The following BCL11B variants were observed in gnomAD, a reference collection of about 807,000 sequenced individuals.
The protein encoded by BCL11B is B-cell lymphoma/leukemia 11B.
A neutral mutation model predicts 49.9 loss-of-function variants in BCL11B; 8 were observed. The ratio of observed to expected loss-of-function variants is 0.16; its 90% CI spans 0.09 to 0.29. The LOEUF is 0.29. Among genes scored for constraint, BCL11B ranks in the 10% least tolerant of loss-of-function variants. The pLI, the probability that BCL11B is intolerant of heterozygous loss-of-function variation, is 1.00. For missense variants in BCL11B, 1,006 were observed against 1,351.0 expected (o/e 0.74, Z 4.00); for synonymous variants, 739 against 637.4 (o/e 1.16, Z -2.40).
chr14:99,226,607 ATATCAT>A (rs1243503552), intron 3 of BCL11B, among the ~76,000 whole-genome samples: 1 of 152,258 alleles, frequency 6.6e-6, no homozygotes, highest in Non-Finnish European at 1.5e-5. Context: ...AGCACAGACC[ATATCAT>A]TAACACAAAA....
chr14:99,253,254 C>T (rs944925606), intron 2 of BCL11B, among the ~76,000 whole-genome samples: 13 of 152,168 alleles, frequency 8.5e-5, no homozygotes, highest in East Asian at 1.9e-4. Flanking sequence ...CAGAGTGCAC[C>T]GCCAGCAAAG....
In BCL11B at chr14:99,248,310, T is replaced by C. The variant is rs1201161678; in HGVS notation, c.427+9161A>G. Among the ~76,000 whole-genome samples, 1 of 152,154 alleles carries C rather than the reference T, an allele frequency of 6.6e-6. No homozygotes were observed. Among genetic ancestry groups the C allele is most frequent in the East Asian group, 1.9e-4 (1 of 5,178 alleles). On this transcript the variant is annotated intron_variant, in intron 2 of 3. Transcript: ENST00000357195. This position sits in a 1 kb window ranked among gnomAD's most constrained non-coding sequence, Gnocchi z 4.7. ...AAAATGAAGCCTCGGGTGCCTTGCCTTCTCCAGCAAGGCCTCTTCTTCCCT... is the reference window on the plus strand; with the variant it reads ...AAAATGAAGCCTCGGGTGCCTTGCCCTCTCCAGCAAGGCCTCTTCTTCCCT...
chr14:99,183,386 T>C (rs1463389063), intron 3 of BCL11B, among the ~76,000 whole-genome samples: 1 of 152,158 alleles, frequency 6.6e-6, no homozygotes, highest in Non-Finnish European at 1.5e-5. Context: ...TGCGCTGGTC[T>C]TGTGGACTGC....
At chr14:99,263,447 A>C (rs536352369) in intron 1 of BCL11B, among the ~76,000 whole-genome samples, 3 of 152,196 alleles carry the variant, frequency 2.0e-5, no homozygotes, top group Non-Finnish European at 4.4e-5. Flanking sequence ...CCAGCAGCGG[A>C]AACTTTGGGC....
intron 3 of BCL11B, among the ~76,000 whole-genome samples, chr14:99,208,320 G>A (rs999349248): frequency 1.1e-4 from 16 of 152,096 alleles, no homozygotes; most frequent in African/African-American, 3.1e-4. Context: ...ACAGGGCCTC[G>A]GACTTCCCTG....
At chr14:99,240,921 G>T (rs965878514) in intron 2 of BCL11B, among the ~76,000 whole-genome samples, 1 of 152,180 alleles carries the variant, frequency 6.6e-6, no homozygotes, top group Non-Finnish European at 1.5e-5. Context: ...TAAAGAAACC[G>T]GCAGCGCAGT....
At position 99,192,266 on chromosome 14, in the gene BCL11B, C is replaced by T. The variant is rs928118181; in HGVS notation, c.641-16071G>A. On this transcript the variant is annotated intron_variant, in intron 3 of 3. Transcript: ENST00000357195. The surrounding 1 kb of genome is among the most constrained non-coding windows in gnomAD (Gnocchi z 4.0). The stretch of plus-strand genomic sequence containing the variant: ...GAGCGCACACGGTGAACCTGGCTCT[C>T]GCATACAGTAGCACTTTCATTTTAA... 6.6e-6 allele frequency among the ~76,000 whole-genome samples: 1 copy of T among 152,120 alleles called. No individual in the cohort carries two copies. Among genetic ancestry groups the T allele is most frequent in the South Asian group, 2.1e-4 (1 of 4,828 alleles).
At chr14:99,223,750 C>T (rs1359007635) in intron 3 of BCL11B, among the ~76,000 whole-genome samples, 1 of 152,202 alleles carries the variant, frequency 6.6e-6, no homozygotes, top group Non-Finnish European at 1.5e-5. Flanking sequence ...TCAGGCACCA[C>T]TTGTGCTTCA....
At chr14:99,265,607 G>A (rs1293614834) in intron 1 of BCL11B, among the ~76,000 whole-genome samples, 1 of 152,190 alleles carries the variant, frequency 6.6e-6, no homozygotes, top group Middle Eastern at 3.2e-3. Context: ...GCAGCTCAGA[G>A]ACCACCGTCC....
intron 2 of BCL11B, among the ~76,000 whole-genome samples, chr14:99,249,816 T>C (rs1349593778): frequency 6.6e-6 from 1 of 152,102 alleles, no homozygotes; most frequent in Admixed American, 6.5e-5. Context: ...CACAGTAAGA[T>C]CTAGTAAGTA....
At position 99,200,055 on chromosome 14, in the gene BCL11B, C is replaced by G. The variant is rs1385409088; in HGVS notation, c.641-23860G>C. Among the ~76,000 whole-genome samples, 3 of 151,702 alleles carry G rather than the reference C, an allele frequency of 2.0e-5. No individual in the cohort carries two copies. In the East Asian group the frequency reaches 5.8e-4, roughly 29 times the overall value. On this transcript the variant is annotated intron_variant, in intron 3 of 3. Transcript: ENST00000357195. ...TGTGAAAGAGCTCCCCCTGACTTCT[C>G]CATCCCTCGGCTTCAAAAGGCACCA...
intron 2 of BCL11B, among the ~76,000 whole-genome samples, chr14:99,237,871 T>C (rs1229438498): frequency 6.6e-6 from 1 of 152,124 alleles, no homozygotes; most frequent in Admixed American, 6.5e-5. Context: ...CTGTCCAGCA[T>C]CCTTCATCAA....
chr14:99,244,338 A>T (rs1366187496), intron 2 of BCL11B, among the ~76,000 whole-genome samples: 1 of 151,840 alleles, frequency 6.6e-6, no homozygotes, highest in Non-Finnish European at 1.5e-5. Flanking sequence ...AAAAATCCTA[A>T]AATGTACATC....
At chr14:99,245,771 G>T (rs1160503642) in intron 2 of BCL11B, among the ~76,000 whole-genome samples, 1 of 152,166 alleles carries the variant, frequency 6.6e-6, no homozygotes, top group Non-Finnish European at 1.5e-5. Context: ...CCAGAGAGGA[G>T]GCGACTGGTG....
intron 3 of BCL11B, among the ~76,000 whole-genome samples, chr14:99,177,188 C>T (rs1306355910): frequency 1.3e-5 from 2 of 152,032 alleles, no homozygotes; most frequent in Non-Finnish European, 2.9e-5. Flanking sequence ...GCACACTGGC[C>T]TACATGAGTC....
chr14:99,198,063 G>A (rs1887229910), intron 3 of BCL11B, among the ~76,000 whole-genome samples: 1 of 152,232 alleles, frequency 6.6e-6, no homozygotes, highest in African/African-American at 2.4e-5. Context: ...GGTTTTCTGG[G>A]AAGTGGGAGG....
intron 3 of BCL11B, among the ~76,000 whole-genome samples, chr14:99,204,361 C>T (rs1195380496): frequency 1.3e-5 from 2 of 152,286 alleles, no homozygotes; most frequent in East Asian, 3.9e-4. Flanking sequence ...CAACTGCCCC[C>T]GATCCCGCAC....
Position 99,172,462 on chromosome 14 carries a change from T to C in BCL11B, c.*1689A>G, listed in dbSNP as rs1595211252. ...TAGTTTCTAAAGAATGTACTTTTCT[T>C]GTTTTACTTTTTTAAAAAGTCTTTT... On this transcript the variant is annotated 3_prime_UTR_variant, in exon 4 of 4. Transcript: ENST00000357195. 1 of 209,416 alleles carries C rather than the reference T, an allele frequency of 4.8e-6. No homozygotes were observed. The highest frequency in any genetic ancestry group is 7.3e-5 in the East Asian group (1 of 13,704). The allele number at this position is 209,416 out of a possible 1,614,324, so 13.0% of individuals were successfully genotyped here.
Position 99,248,113 on chromosome 14 carries a change from G to A in BCL11B, c.427+9358C>T, listed in dbSNP as rs1888900436. On this transcript the variant is annotated intron_variant, in intron 2 of 3. Coordinates refer to ENST00000357195, the MANE Select transcript of BCL11B (RefSeq NM_138576.4). The surrounding 1 kb of genome is among the most constrained non-coding windows in gnomAD (Gnocchi z 4.7). The stretch of plus-strand genomic sequence containing the variant: ...GTTTCCCAGCTGTCTGAGCAGCGAG[G>A]GGCAGATGCTTTCCCAGACCTGTGG... Among the ~76,000 whole-genome samples, 1 of 152,090 alleles carries A rather than the reference G, an allele frequency of 6.6e-6. No homozygotes were observed. The highest frequency in any genetic ancestry group is 2.1e-4 in the South Asian group (1 of 4,824).
Sources: allele counts gnomAD v4.1 joint callset (sites outside exome capture counted in the v4.1 genomes callset), GRCh38; gene constraint gnomAD v4.1.1; non-coding constraint Gnocchi (gnomAD v3.1); transcripts MANE v1.5; gene names NCBI Gene and HGNC (gene_info 2026-07-23, HGNC 2026-07-21).